SEC22A: variants seen among roughly 807,000 people sequenced by gnomAD.
SEC22A encodes SEC22 homolog A, vesicle trafficking protein, also known as vesicle-trafficking protein SEC22a.
SEC22A carries 22 observed loss-of-function variants against 35.3 expected under a neutral mutation model. The ratio of observed to expected loss-of-function variants is 0.62; its 90% CI spans 0.45 to 0.89. The LOEUF (loss-of-function observed/expected upper bound fraction) is 0.89. Among genes scored for constraint, SEC22A ranks in the 40% least tolerant of loss-of-function variants. The pLI, the probability that SEC22A is intolerant of heterozygous loss-of-function variation, is 0.00. For synonymous variants in SEC22A, 119 were observed against 129.5 expected (o/e 0.92, Z 0.55); for missense variants, 354 against 362.5 (o/e 0.98, Z 0.19).
chr3:123,204,001 G>A (rs1441055247), intron 1 of SEC22A, among the ~76,000 whole-genome samples: 2 of 152,134 alleles, frequency 1.3e-5, no homozygotes, highest in African/African-American at 2.4e-5. Context: ...CAAAATGGCG[G>A]AAATTCCATC....
At chr3:123,243,415 C>T (rs1366126183) in intron 4 of SEC22A, among the ~76,000 whole-genome samples, 7 of 152,212 alleles carry the variant, frequency 4.6e-5, no homozygotes, top group South Asian at 2.1e-4. Flanking sequence ...TGTTGTTACT[C>T]GTTTCTCCCA....
At chr3:123,268,849 G>A (rs570011654) in intron 6 of SEC22A, among the ~76,000 whole-genome samples, 2 of 152,000 alleles carry the variant, frequency 1.3e-5, no homozygotes, top group Non-Finnish European at 2.9e-5. Context: ...CAGTCTCCCA[G>A]CCTTTTTGTT....
intron 3 of SEC22A, among the ~76,000 whole-genome samples, chr3:123,223,925 G>C (rs945093393): frequency 6.6e-6 from 1 of 152,144 alleles, no homozygotes; most frequent in African/African-American, 2.4e-5. Context: ...GGGATTGTGA[G>C]TATTGGTCCG....
At chr3:123,233,835 AAGTTCAAGGC>A (rs1261452504) in intron 4 of SEC22A, among the ~76,000 whole-genome samples, 1 of 152,240 alleles carries the variant, frequency 6.6e-6, no homozygotes, top group African/African-American at 2.4e-5. Context: ...ATTATACTGG[AAGTTCAAGGC>A]ACAGCAGGCC....
intron 1 of SEC22A, chr3:123,204,734 A>C (rs1162918520): frequency 6.6e-6 from 1 of 152,238 alleles, no homozygotes; most frequent in African/African-American, 2.4e-5. Context: ...GGGGAGAGGA[A>C]AAAATAGCCA....
At chr3:123,205,547 G>A (rs1383632012) in intron 1 of SEC22A, among the ~76,000 whole-genome samples, 2 of 152,098 alleles carry the variant, frequency 1.3e-5, no homozygotes, top group Non-Finnish European at 1.5e-5. Context: ...AATTAGCCAG[G>A]CATGGTGGCG....
intron 1 of SEC22A, chr3:123,208,731 C>A (rs1323988262): frequency 3.4e-5 from 5 of 148,600 alleles, no homozygotes; most frequent in South Asian, 4.1e-4. Flanking sequence ...AAAAAAAAAA[C>A]AAAAAACAAA....
At chr3:123,251,189 A>AT (rs1451664235) in intron 5 of SEC22A, among the ~76,000 whole-genome samples, 1 of 152,122 alleles carries the variant, frequency 6.6e-6, no homozygotes, top group Non-Finnish European at 1.5e-5. Flanking sequence ...ACTTAAAGAG[A>AT]TTTTTTTGTT....
intron 5 of SEC22A, among the ~76,000 whole-genome samples, chr3:123,257,190 CACAG>C (rs769192127): frequency 6.6e-6 from 1 of 152,084 alleles, no homozygotes; most frequent in Non-Finnish European, 1.5e-5. Flanking sequence ...TTTTAAGTGA[CACAG>C]ACAGTAACCC....
intron 3 of SEC22A, among the ~76,000 whole-genome samples, 159 bp from the exon 4 acceptor site, chr3:123,224,944 C>T (rs764367828): frequency 1.1e-4 from 17 of 152,108 alleles, no homozygotes; most frequent in Non-Finnish European, 2.5e-4. Context: ...TTCCATGATA[C>T]ATTAATCATT....
intron 6 of SEC22A, among the ~76,000 whole-genome samples, chr3:123,267,287 CT>C (rs143265494): frequency 5.4e-5 from 8 of 147,932 alleles, no homozygotes; most frequent in Non-Finnish European, 7.5e-5. Flanking sequence ...TTTCTTTTTT[CT>C]TTTTTTTCTT....
At chr3:123,223,134 G>A (rs1937158727) in intron 2 of SEC22A, among the ~76,000 whole-genome samples, 1 of 152,210 alleles carries the variant, frequency 6.6e-6, no homozygotes. Flanking sequence ...TTGAAATTGT[G>A]TGCAATCTTC....
At chr3:123,234,112 A>T (rs552002692) in intron 4 of SEC22A, among the ~76,000 whole-genome samples, 1 of 152,226 alleles carries the variant, frequency 6.6e-6, no homozygotes, top group African/African-American at 2.4e-5. Flanking sequence ...ACTTTAAAAC[A>T]TAATTGAAAG....
chr3:123,229,606 G>A (rs1310376557), intron 4 of SEC22A, among the ~76,000 whole-genome samples: 3 of 152,352 alleles, frequency 2.0e-5, no homozygotes, highest in Non-Finnish European at 4.4e-5. Context: ...GCTTACGCCT[G>A]TAATCCCAAC....
chr3:123,202,507 C>T (rs1383480950), intron 1 of SEC22A, among the ~76,000 whole-genome samples: 1 of 152,056 alleles, frequency 6.6e-6, no homozygotes, highest in Non-Finnish European at 1.5e-5. Flanking sequence ...AGATATTTGC[C>T]CGCGTTGGCT....
rs1450565720 is a variant in SEC22A, at chr3:123,225,141, C to T, written c.385C>T (p.Pro129Ser). Residue 129 changes from proline to serine, a missense_variant, in exon 4 of 7, where the codon CCC becomes TCC. By Grantham distance (74) the Pro-to-Ser change is moderately conservative. Transcript: ENST00000492595. ...GAGGACCAAGCAGCGATATAATAAT[C>T]CCAGGTCTCTTTCAACAAAGATAAA... ...IQRTKQRYNN[P>S]RSLSTKINLS... 2 of 1,612,938 alleles carry T rather than the reference C, an allele frequency of 1.2e-6. No individual in the cohort carries two copies. The highest frequency in any genetic ancestry group is 2.2e-5 in the East Asian group (1 of 44,864).
chr3:123,223,100 A>G (rs1191659619), intron 2 of SEC22A, among the ~76,000 whole-genome samples: 1 of 152,212 alleles, frequency 6.6e-6, no homozygotes, highest in Non-Finnish European at 1.5e-5. Context: ...TGTCAATGAT[A>G]ACTTCAAGAG....
intron 4 of SEC22A, among the ~76,000 whole-genome samples, chr3:123,240,709 G>A (rs1419178219): frequency 6.6e-6 from 1 of 152,060 alleles, no homozygotes; most frequent in Admixed American, 6.6e-5. Context: ...TGAAGTAGTT[G>A]TAAGATTTTA....
rs1267062365 is a variant in SEC22A, at chr3:123,230,349, A to G, written c.541+5052A>G. On this transcript the variant is annotated intron_variant, in intron 4 of 6. Coordinates refer to ENST00000492595, the MANE Select transcript of SEC22A (RefSeq NM_012430.5). ...CAGATGATAATTCAAATCAACAGGA[A>G]CTAATGAAGGAAGCCAGAAAGATAA... Among the ~76,000 whole-genome samples, 6 of 152,340 alleles carry G rather than the reference A, an allele frequency of 3.9e-5. No individual in the cohort carries two copies. The East Asian group carries it at 1.2e-3, about 29-fold the overall frequency.
Sources: allele counts gnomAD v4.1 joint callset (sites outside exome capture counted in the v4.1 genomes callset), GRCh38; gene constraint gnomAD v4.1.1; transcripts MANE v1.5; gene names NCBI Gene and HGNC (gene_info 2026-07-23, HGNC 2026-07-21).